GTF2H5: variants seen among roughly 807,000 people sequenced by gnomAD.
GTF2H5 encodes the protein general transcription factor IIH subunit 5, also known as TFB5 ortholog.
Under a neutral mutation model 7.1 loss-of-function variants are expected in GTF2H5, and 5 were observed. The ratio of observed to expected loss-of-function variants is 0.71; its 90% CI spans 0.37 to 1.49. The LOEUF is 1.49. Ranked by LOEUF, GTF2H5 falls within the 40% of genes most tolerant of loss-of-function variation. The pLI is 0.03. For missense variants in GTF2H5, 80 were observed against 83.0 expected, an observed-to-expected ratio of 0.96 and a Z score of 0.14; for synonymous variants, 30 against 31.7, an observed-to-expected ratio of 0.95 and a Z score of 0.18.
At position 158,169,482 on chromosome 6, in the gene GTF2H5, A is replaced by G. The variant is rs866853657; in HGVS notation, c.-34-988A>G. 9.3e-4 allele frequency among the ~76,000 whole-genome samples: 57 copies of G among 61,472 alleles called. 3 individuals carry two copies. The highest frequency in any genetic ancestry group is 1.4e-3 in the Non-Finnish European group (55 of 39,764). 40.3% of individuals were successfully genotyped at this position (61,472 alleles called of 152,430 possible). On this transcript the variant is annotated intron_variant, in intron 1 of 2. Transcript: ENST00000607778. ...ATATATTATATTGTATATTATATATAATATATTGTATATTATATAATATAT... is the reference window on the plus strand; with the variant it reads ...ATATATTATATTGTATATTATATATGATATATTGTATATTATATAATATAT...
chr6:158,170,584 TCTTGA>T (rs747022941), intron 2 of GTF2H5, 46 bp downstream of exon 2: 120 of 1,293,186 alleles, frequency 9.3e-5, no homozygotes, highest in Non-Finnish European at 8.1e-5. Context: ...AAATATTGAA[TCTTGA>T]CTTGTATGTA....
intron 2 of GTF2H5, chr6:158,190,944 A>G: frequency 1.9e-6 from 1 of 515,662 alleles, no homozygotes; most frequent in South Asian, 1.4e-5. Context: ...CCCGAGAAGA[A>G]ATTGTATCCC....
chr6:158,178,656 G>A (rs13206168), intron 2 of GTF2H5, among the ~76,000 whole-genome samples: 59,467 of 151,848 alleles, frequency 0.39, 11,800 homozygotes, highest in Middle Eastern at 0.49. Flanking sequence ...CGTCTTTTGA[G>A]AAGTGTCTGT....
chr6:158,180,479 G>A (rs973458789), intron 2 of GTF2H5, among the ~76,000 whole-genome samples: 2 of 152,186 alleles, frequency 1.3e-5, no homozygotes, highest in Non-Finnish European at 2.9e-5. Flanking sequence ...GGTAGAATTT[G>A]GCTGTGAATC....
chr6:158,183,870 C>T (rs1786042172), intron 2 of GTF2H5, among the ~76,000 whole-genome samples: 1 of 152,240 alleles, frequency 6.6e-6, no homozygotes, highest in Non-Finnish European at 1.5e-5. Context: ...GGTGAGGCGA[C>T]ACCCTGCCCT....
At chr6:158,185,167 T>A (rs1267444802) in intron 2 of GTF2H5, among the ~76,000 whole-genome samples, 1 of 151,680 alleles carries the variant, frequency 6.6e-6, no homozygotes, top group Admixed American at 6.6e-5. Context: ...TTTTTAATAA[T>A]TAAAGAGTCT....
chr6:158,169,023 C>T (rs1425969371), intron 1 of GTF2H5, among the ~76,000 whole-genome samples: 1 of 151,838 alleles, frequency 6.6e-6, no homozygotes, highest in Non-Finnish European at 1.5e-5. Context: ...CATTTGAGAT[C>T]AGGAGTTCGA....
intron 2 of GTF2H5, among the ~76,000 whole-genome samples, chr6:158,173,974 A>G (rs1289504339): frequency 6.6e-6 from 1 of 152,160 alleles, no homozygotes; most frequent in East Asian, 1.9e-4. Context: ...TTGCCATGGC[A>G]TTTGTAAACT....
intron 2 of GTF2H5, among the ~76,000 whole-genome samples, chr6:158,179,453 C>G (rs1047465450): frequency 6.6e-6 from 1 of 152,164 alleles, no homozygotes; most frequent in Non-Finnish European, 1.5e-5. Context: ...GCCATTTTCA[C>G]GATATTGATT....
intron 2 of GTF2H5, among the ~76,000 whole-genome samples, chr6:158,175,371 G>C (rs956777538): frequency 6.6e-6 from 1 of 152,224 alleles, no homozygotes; most frequent in African/African-American, 2.4e-5. Context: ...CCAAGCTGCT[G>C]ATGGAAGTGT....
intron 1 of GTF2H5, 41 bp from the exon 2 acceptor site, chr6:158,170,429 T>C (rs1209498674): frequency 8.3e-7 from 1 of 1,200,490 alleles, no homozygotes; most frequent in Admixed American, 1.7e-5. Flanking sequence ...ATATGAAAGT[T>C]AATGATTTTT....
At chr6:158,172,198 G>A (rs1163253157) in intron 2 of GTF2H5, among the ~76,000 whole-genome samples, 1 of 151,662 alleles carries the variant, frequency 6.6e-6, no homozygotes, top group African/African-American at 2.4e-5. Context: ...GCATAGGTTT[G>A]TTAAATATTC....
chr6:158,199,136 G>A lies in GTF2H5; in HGVS notation c.*6979G>A, dbSNP rs1777156174. On this transcript the variant is annotated 3_prime_UTR_variant, in exon 3 of 3. Transcript: ENST00000607778. ...AATTGATTTACTTTCTTGAAAACCT[G>A]TTTCTGCTGCTCCCAACATGATTTA... 1 of 152,118 alleles carries A rather than the reference G, an allele frequency of 6.6e-6. No individual in the cohort carries two copies. The highest frequency in any genetic ancestry group is 1.5e-5 in the Non-Finnish European group (1 of 68,034). 9.4% of individuals were successfully genotyped at this position (152,118 alleles called of 1,614,324 possible).
rs1252899898 is a variant in GTF2H5, at chr6:158,196,896, A to C, written c.*4739A>C. 6.6e-6 allele frequency: 1 copy of C among 152,244 alleles called. No individual in the cohort carries two copies. The highest frequency in any genetic ancestry group is 1.9e-4 in the East Asian group (1 of 5,204). The allele number at this position is 152,244 out of a possible 1,614,324, so 9.4% of individuals were successfully genotyped here. On this transcript the variant is annotated 3_prime_UTR_variant, in exon 3 of 3. Coordinates refer to ENST00000607778, the MANE Select transcript of GTF2H5 (RefSeq NM_207118.3). ...TTGAAGAGGACCAATGATTAACAGC[A>C]GAAACGATAGCCAACACAATATGCT...
chr6:158,195,508 G>T lies in GTF2H5; in HGVS notation c.*3351G>T, dbSNP rs759469879. The T allele has an allele frequency of 2.6e-5, 4 of 152,068 alleles. No homozygotes were observed. The highest frequency in any genetic ancestry group is 2.1e-4 in the South Asian group (1 of 4,818). The allele number at this position is 152,068 out of a possible 1,614,324, so 9.4% of individuals were successfully genotyped here. A position where few individuals can be genotyped will look rare whatever the true frequency, so the allele number is the denominator to read the frequency against. The stretch of plus-strand genomic sequence containing the variant: ...CAATGTATTTTGAGAAATCAGTTTT[G>T]GTGAACAGTAACAGCATTACTGATA... On this transcript the variant is annotated 3_prime_UTR_variant, in exon 3 of 3. Transcript: ENST00000607778.
intron 1 of GTF2H5, among the ~76,000 whole-genome samples, chr6:158,169,934 C>T (rs527258243): frequency 1.6e-4 from 24 of 149,766 alleles, no homozygotes; most frequent in Non-Finnish European, 2.1e-4. Context: ...GTGGGAGGAT[C>T]GCTTGAACCC....
rs1219458763 is a variant in GTF2H5, at chr6:158,196,357, C to G, written c.*4200C>G. 2 of 152,108 alleles carry G rather than the reference C, an allele frequency of 1.3e-5. No individual in the cohort carries two copies. The highest frequency in any genetic ancestry group is 2.9e-5 in the Non-Finnish European group (2 of 68,014). The allele number at this position is 152,108 out of a possible 1,614,324, so 9.4% of individuals were successfully genotyped here. A position where few individuals can be genotyped will look rare whatever the true frequency, so the allele number is the denominator to read the frequency against. On this transcript the variant is annotated 3_prime_UTR_variant, in exon 3 of 3. Transcript: ENST00000607778. ...AGTCCAAGTGTCAGATCTCTGCTTA[C>G]TAGCTCTGGGATCTCAGATGTTTCG...
At chr6:158,180,077 G>A (rs879278505) in intron 2 of GTF2H5, among the ~76,000 whole-genome samples, 2 of 152,048 alleles carry the variant, frequency 1.3e-5, no homozygotes, top group Non-Finnish European at 2.9e-5. Context: ...TTTGTCGAAG[G>A]CCTTTTCTGC....
At chr6:158,187,151 C>A (rs916674292) in intron 2 of GTF2H5, among the ~76,000 whole-genome samples, 3 of 151,962 alleles carry the variant, frequency 2.0e-5, no homozygotes, top group Non-Finnish European at 4.4e-5. Context: ...CCTGCCACCA[C>A]GCCCGGCTAA....
Sources: allele counts gnomAD v4.1 joint callset (sites outside exome capture counted in the v4.1 genomes callset), GRCh38; gene constraint gnomAD v4.1.1; transcripts MANE v1.5; gene names NCBI Gene and HGNC (gene_info 2026-07-23, HGNC 2026-07-21).